The following RERE variants were observed in gnomAD, a reference collection of about 807,000 sequenced individuals.
The protein encoded by RERE is arginine-glutamic acid dipeptide repeats protein.
Under a neutral mutation model 146.1 loss-of-function variants are expected in RERE, and 40 were observed. That is an observed-to-expected ratio of 0.27 (90% CI 0.21 to 0.36). The LOEUF (loss-of-function observed/expected upper bound fraction) is 0.36. Ranked by LOEUF, RERE falls within the 10% of genes least tolerant of loss-of-function variation. The probability of loss-of-function intolerance (pLI) is 1.00; values close to 1 mark genes in which losing one functional copy is unlikely to be tolerated. For synonymous variants in RERE, 1,003 were observed against 866.0 expected (o/e 1.16, Z -2.78); for missense variants, 1,933 against 2,138.7 (o/e 0.90, Z 1.90).
At chr1:8,769,567 C>A (rs1013403284) in intron 1 of RERE, among the ~76,000 whole-genome samples, 1 of 152,026 alleles carries the variant, frequency 6.6e-6, no homozygotes, top group Non-Finnish European at 1.5e-5. Flanking sequence ...CCAGCTTCAA[C>A]CTCCAAGGCT....
At chr1:8,556,661 C>T (rs374407236) in intron 5 of RERE, 90 bp from the exon 6 acceptor site, 5 of 779,846 alleles carry the variant, frequency 6.4e-6, no homozygotes, top group East Asian at 5.0e-5. Context: ...ACGTTTACCA[C>T]CCACTAAATA....
chr1:8,692,433 T>C (rs1639227067), intron 1 of RERE, among the ~76,000 whole-genome samples: 1 of 151,870 alleles, frequency 6.6e-6, no homozygotes, highest in African/African-American at 2.4e-5. Flanking sequence ...CTGCAACTTC[T>C]GCCTCCCATT....
At chr1:8,360,038 C>A (rs1278037211) in intron 18 of RERE, 52 bp from the exon 19 acceptor site, 1 of 1,562,760 alleles carries the variant, frequency 6.4e-7, no homozygotes, top group Admixed American at 1.7e-5. Flanking sequence ...CCCACCCCGG[C>A]CCTCCCTCCC....
chr1:8,545,278 T>TA (rs548968522), intron 6 of RERE, among the ~76,000 whole-genome samples: 242 of 152,230 alleles, frequency 1.6e-3, no homozygotes, highest in African/African-American at 5.7e-3. Flanking sequence ...CATTCAACAG[T>TA]AAAAAAGGCG....
intron 11 of RERE, among the ~76,000 whole-genome samples, chr1:8,462,296 T>G (rs1462060211): frequency 6.6e-6 from 1 of 152,236 alleles, no homozygotes; most frequent in Non-Finnish European, 1.5e-5. Flanking sequence ...TTACCCTTAA[T>G]AAGTTTACAA....
chr1:8,566,572 T>C (rs1646155431), intron 4 of RERE, among the ~76,000 whole-genome samples: 1 of 151,932 alleles, frequency 6.6e-6, no homozygotes, highest in African/African-American at 2.4e-5. Context: ...TGAACTGAGA[T>C]GGCACCACTG....
Position 8,709,291 on chromosome 1 carries a change from T to TC in RERE, c.-144-52851_-144-52850insG, listed in dbSNP as rs201101854. ...GCTCTTTTAGATTTTTTAATTTTTT[T>TC]TTTTCTTATATTGAGACAGGGTCTC... On this transcript the variant is annotated intron_variant, in intron 1 of 22. Transcript: ENST00000400908. 1.3e-3 allele frequency among the ~76,000 whole-genome samples: 202 copies of TC among 151,842 alleles called. 5 individuals are homozygous for TC. The East Asian group carries it at 0.032, about 24-fold the overall frequency.
At chr1:8,495,560 C>T (rs925465702) in intron 9 of RERE, among the ~76,000 whole-genome samples, 2 of 152,224 alleles carry the variant, frequency 1.3e-5, no homozygotes, top group South Asian at 2.1e-4. Flanking sequence ...GATCTGCTCA[C>T]CTCAGCCTCC....
At chr1:8,571,684 G>A (rs1646223113) in intron 4 of RERE, among the ~76,000 whole-genome samples, 1 of 152,132 alleles carries the variant, frequency 6.6e-6, no homozygotes, top group Non-Finnish European at 1.5e-5. Context: ...ATACTAGTTA[G>A]TCTATTTATA....
intron 4 of RERE, among the ~76,000 whole-genome samples, chr1:8,605,765 A>C (rs1205984800): frequency 7.8e-6 from 1 of 127,728 alleles, no homozygotes; most frequent in Admixed American, 7.4e-5. Flanking sequence ...AAAAAAAAAA[A>C]AAAAAACCCC....
chr1:8,361,787 G>A lies in RERE; in HGVS notation c.1992C>T (p.Thr664=). The A allele has an allele frequency of 1.2e-6, 2 of 1,613,818 alleles. No individual in the cohort carries two copies. The highest frequency in any genetic ancestry group is 1.7e-6 in the Non-Finnish European group (2 of 1,179,698). The change falls in exon 17 of 23, where the codon ACC becomes ACT. Residue 664 remains threonine, a synonymous_variant. Transcript: ENST00000400908. ...CCTGCGTTTTTGTCTTCTTGGAGCT[G>A]GTCCTGTCAGCCTCCTCCGTATCAG... ...VASDTEEADR[T]SSKKTKTQEI...
At chr1:8,731,291 C>G (rs989845690) in intron 1 of RERE, among the ~76,000 whole-genome samples, 1 of 152,150 alleles carries the variant, frequency 6.6e-6, no homozygotes, top group Non-Finnish European at 1.5e-5. Context: ...AAAATCCCCT[C>G]GTATTTTAGG....
At chr1:8,801,240 G>T (rs1641586316) in intron 1 of RERE, among the ~76,000 whole-genome samples, 1 of 151,258 alleles carries the variant, frequency 6.6e-6, no homozygotes, top group Non-Finnish European at 1.5e-5. Context: ...AACCTGGACG[G>T]CAAAACAAGA....
At chr1:8,813,308 C>T (rs957477919) in intron 1 of RERE, among the ~76,000 whole-genome samples, 4 of 152,142 alleles carry the variant, frequency 2.6e-5, no homozygotes, top group African/African-American at 2.4e-5. Context: ...ACCTTTAAAT[C>T]GACTGCAAAA....
intron 11 of RERE, among the ~76,000 whole-genome samples, chr1:8,430,830 T>A (rs1644086114): frequency 2.0e-5 from 3 of 152,144 alleles, no homozygotes; most frequent in African/African-American, 7.2e-5. Flanking sequence ...TTAGGTAAAT[T>A]AAATCTCCTG....
chr1:8,606,635 T>C (rs540084174), intron 4 of RERE, among the ~76,000 whole-genome samples: 5 of 152,268 alleles, frequency 3.3e-5, no homozygotes, highest in South Asian at 2.1e-4. Context: ...GTGGGAGGAA[T>C]AGAGTAACAA....
intron 1 of RERE, among the ~76,000 whole-genome samples, chr1:8,813,645 C>T (rs1362921150): frequency 7.0e-6 from 1 of 143,346 alleles, no homozygotes; most frequent in South Asian, 2.2e-4. Context: ...GACAGAGTCT[C>T]GCTGTGTCAC....
At chr1:8,403,506 T>C (rs1470306531) in intron 12 of RERE, among the ~76,000 whole-genome samples, 4 of 149,438 alleles carry the variant, frequency 2.7e-5, no homozygotes, top group African/African-American at 7.4e-5. Context: ...GCTGGGATTA[T>C]AGGCGCCCAC....
intron 12 of RERE, among the ~76,000 whole-genome samples, chr1:8,366,794 G>A (rs1484721376): frequency 2.0e-5 from 3 of 151,910 alleles, no homozygotes; most frequent in South Asian, 4.2e-4. Flanking sequence ...TTTAAAGAAA[G>A]GGCACTTTGG....
Sources: gnomAD v4.1 joint callset for allele counts (sites outside exome capture counted in the v4.1 genomes callset) on GRCh38, gnomAD v4.1.1 for gene constraint, MANE v1.5 for transcripts, NCBI Gene and HGNC (gene_info 2026-07-23, HGNC 2026-07-21) for gene names.